The following LINGO1 variants were observed in gnomAD, a reference collection of about 807,000 sequenced individuals.
LINGO1 encodes the protein leucine rich repeat and Ig domain containing 1, also known as leucine-rich repeat and immunoglobulin-like domain-containing nogo receptor-interacting protein 1.
Under a neutral mutation model 37.3 loss-of-function variants are expected in LINGO1, and 11 were observed. That is an observed-to-expected ratio of 0.29 (90% CI 0.19 to 0.49). LINGO1 has a LOEUF of 0.49. Among genes scored for constraint, LINGO1 ranks in the 20% least tolerant of loss-of-function variants. The pLI, the probability that LINGO1 is intolerant of heterozygous loss-of-function variation, is 0.99. For synonymous variants in LINGO1, 387 were observed against 403.0 expected (o/e 0.96, Z 0.48); for missense variants, 585 against 878.2 (o/e 0.67, Z 4.22).
intron 1 of LINGO1, among the ~76,000 whole-genome samples, chr15:77,626,110 T>C (rs767309724): frequency 4.6e-5 from 7 of 152,050 alleles, no homozygotes; most frequent in Non-Finnish European, 8.8e-5. Context: ...ATGAGGAAAC[T>C]GAGGCCCAGG....
At chr15:77,722,351 T>C (rs150170782) in intron 2 of LINGO1, among the ~76,000 whole-genome samples, 44 of 152,280 alleles carry the variant, frequency 2.9e-4, no homozygotes, top group Middle Eastern at 6.8e-3. Context: ...CTCCTTGCCC[T>C]AGGGCCACAG....
At chr15:77,636,376 A>C (rs1458044097), upstream of LINGO1, among the ~76,000 whole-genome samples, 1 of 152,246 alleles carries the variant, frequency 6.6e-6, no homozygotes, top group African/African-American at 2.4e-5. Context: ...AAGGCACTTG[A>C]AATTAATGAC....
intron 1 of LINGO1, among the ~76,000 whole-genome samples, chr15:77,738,809 A>G (rs1350689096): frequency 6.6e-6 from 1 of 151,812 alleles, no homozygotes; most frequent in East Asian, 1.9e-4. Context: ...GGAAGGAAGG[A>G]AGGAAAGAAG....
intron 1 of LINGO1, among the ~76,000 whole-genome samples, chr15:77,776,488 A>AGCAGGAAAGCAGGAAG (rs2076646752): frequency 2.2e-5 from 2 of 90,636 alleles, no homozygotes; most frequent in African/African-American, 9.9e-5. Flanking sequence ...AAGGCAGGAA[A>AGCAGGAAAGCAGGAAG]GCAGGAAGGC....
chr15:77,748,269 C>T (rs1456506949), intron 1 of LINGO1, among the ~76,000 whole-genome samples: 1 of 152,262 alleles, frequency 6.6e-6, no homozygotes, highest in African/African-American at 2.4e-5. Context: ...TCCTCCTCCC[C>T]ACCTTGGGCC....
chr15:77,649,269 T>C (rs1440058879), intron 3 of LINGO1: 4 of 152,224 alleles, frequency 2.6e-5, no homozygotes, highest in Non-Finnish European at 5.9e-5. Context: ...GTTCATAAAT[T>C]CAAAGTAAAC....
intron 1 of LINGO1, among the ~76,000 whole-genome samples, chr15:77,776,474 C>CAGGAAGGG (rs1567577519): frequency 1.5e-5 from 2 of 129,746 alleles, no homozygotes; most frequent in African/African-American, 3.1e-5. Flanking sequence ...GGCAGGAAGG[C>CAGGAAGGG]AGGAAGGCAG....
At chr15:77,773,595 G>GCA (rs2076607080) in intron 1 of LINGO1, among the ~76,000 whole-genome samples, 1 of 152,046 alleles carries the variant, frequency 6.6e-6, no homozygotes. Flanking sequence ...AGGAAGGCAG[G>GCA]TATGACTCCA....
intron 2 of LINGO1, among the ~76,000 whole-genome samples, chr15:77,728,466 T>A (rs1054614331): frequency 6.6e-6 from 1 of 151,730 alleles, no homozygotes; most frequent in African/African-American, 2.4e-5. Context: ...TGGAAGGGGG[T>A]TTCCTGTGGC....
At chr15:77,747,686 G>C (rs2076328382) in intron 1 of LINGO1, among the ~76,000 whole-genome samples, 3 of 152,208 alleles carry the variant, frequency 2.0e-5, no homozygotes, top group Admixed American at 2.0e-4. Context: ...AGAGAAGGAG[G>C]CTGCACCAAT....
intron 1 of LINGO1, among the ~76,000 whole-genome samples, chr15:77,619,516 T>C (rs2073851149): frequency 6.6e-6 from 1 of 151,762 alleles, no homozygotes; most frequent in South Asian, 2.1e-4. Context: ...GAGATGCCCA[T>C]CTCCCACAGA....
chr15:77,779,943 C>T (rs553217752), intron 1 of LINGO1, among the ~76,000 whole-genome samples: 42 of 152,280 alleles, frequency 2.8e-4, no homozygotes, highest in East Asian at 2.5e-3. Flanking sequence ...AGCCAGACAC[C>T]GCCCCTGATA....
intron 1 of LINGO1, among the ~76,000 whole-genome samples, chr15:77,617,643 T>C (rs2073774632): frequency 6.6e-6 from 1 of 152,190 alleles, no homozygotes; most frequent in African/African-American, 2.4e-5. Flanking sequence ...CCATCCATCC[T>C]TGTCATCCAT....
chr15:77,725,499 G>A (rs1241994010), intron 2 of LINGO1, among the ~76,000 whole-genome samples: 1 of 152,164 alleles, frequency 6.6e-6, no homozygotes, highest in Non-Finnish European at 1.5e-5. Context: ...GGTGGTCGAG[G>A]CTGCAGTGAG....
chr15:77,616,224 C>T (rs898188928), intron 1 of LINGO1, among the ~76,000 whole-genome samples: 1 of 152,204 alleles, frequency 6.6e-6, no homozygotes, highest in Admixed American at 6.5e-5. Flanking sequence ...ACTCCAAGCA[C>T]ACACCCTGCC....
chr15:77,697,180 A>G (rs1420856423), upstream of LINGO1, among the ~76,000 whole-genome samples: 1 of 152,212 alleles, frequency 6.6e-6, no homozygotes, highest in Non-Finnish European at 1.5e-5. Context: ...GGGCTGGAGC[A>G]GCTCAGGCCA....
intron 3 of LINGO1, among the ~76,000 whole-genome samples, chr15:77,670,654 C>T (rs2075232158): frequency 6.6e-6 from 1 of 152,252 alleles, no homozygotes; most frequent in Non-Finnish European, 1.5e-5. Context: ...GGTGAGGCCA[C>T]TGAGGCCCAG....
intron 1 of LINGO1, among the ~76,000 whole-genome samples, chr15:77,740,732 G>A (rs2076254756): frequency 6.6e-6 from 1 of 152,176 alleles, no homozygotes; most frequent in South Asian, 2.1e-4. Flanking sequence ...TAGTAGGGTG[G>A]GGAGTCCAGG....
intron 2 of LINGO1, among the ~76,000 whole-genome samples, chr15:77,687,601 C>A (rs1395907815): frequency 6.6e-6 from 1 of 152,236 alleles, no homozygotes; most frequent in Non-Finnish European, 1.5e-5. Context: ...TGCCTCCCCA[C>A]CTAGCCTTCA....
Sources: gnomAD v4.1 joint callset for allele counts (sites outside exome capture counted in the v4.1 genomes callset) on GRCh38, gnomAD v4.1.1 for gene constraint, MANE v1.5 for transcripts, NCBI Gene and HGNC (gene_info 2026-07-23, HGNC 2026-07-21) for gene names.